ICA1: variants seen among roughly 807,000 people sequenced by gnomAD.
ICA1 encodes 69 kDa islet cell autoantigen.
In ICA1, 40 loss-of-function variants were observed where a neutral mutation model predicts 71.0. The observed-to-expected ratio is 0.56, with a 90% CI of 0.44 to 0.73. The LOEUF (loss-of-function observed/expected upper bound fraction) is 0.73. Among genes scored for constraint, ICA1 ranks in the 30% least tolerant of loss-of-function variants. ICA1 has a pLI of 0.00. For missense variants in ICA1, 578 were observed against 576.5 expected (o/e 1.00, Z -0.03); for synonymous variants, 207 against 209.5 (o/e 0.99, Z 0.10).
intron 12 of ICA1, among the ~76,000 whole-genome samples, chr7:8,135,035 AT>A (rs34913176): frequency 0.89 from 134,436 of 151,302 alleles, 59,771 homozygotes; most frequent in East Asian, 0.95. Flanking sequence ...AATTTTTTTT[AT>A]TTTTTTTTGA....
chr7:8,235,999 T>C lies in ICA1; in HGVS notation c.-73A>G, dbSNP rs1334635095. 5 of 1,457,972 alleles carry C rather than the reference T, an allele frequency of 3.4e-6. No homozygotes were observed. In the Admixed American group the frequency reaches 7.2e-5, roughly 21 times the overall value. 90.3% of individuals were successfully genotyped at this position (1,457,972 alleles called of 1,614,324 possible). A position where few individuals can be genotyped will look rare whatever the true frequency, so the allele number is the denominator to read the frequency against. ...AAAAAGCATGAGAGGATAAGTTATATTATAACCTGAAATAAAACAAATATG... is the reference window on the plus strand; with the variant it reads ...AAAAAGCATGAGAGGATAAGTTATACTATAACCTGAAATAAAACAAATATG... On this transcript the variant is annotated 5_prime_UTR_variant, in exon 2 of 14. Coordinates refer to ENST00000402384, the MANE Select transcript of ICA1 (RefSeq NM_001136020.3).
At chr7:8,212,626 A>C (rs1267872340) in intron 6 of ICA1, among the ~76,000 whole-genome samples, 1 of 152,154 alleles carries the variant, frequency 6.6e-6, no homozygotes, top group African/African-American at 2.4e-5. Flanking sequence ...CTCAGCAATC[A>C]CCTTCAGTGG....
chr7:8,215,644 A>G (rs1429337238), intron 6 of ICA1, among the ~76,000 whole-genome samples: 1 of 152,254 alleles, frequency 6.6e-6, no homozygotes, highest in Non-Finnish European at 1.5e-5. Context: ...AAATAAATGA[A>G]TGAGTGGATA....
At chr7:8,164,037 G>T (rs1182987429) in intron 6 of ICA1, among the ~76,000 whole-genome samples, 1 of 152,160 alleles carries the variant, frequency 6.6e-6, no homozygotes, top group Admixed American at 6.5e-5. Context: ...GCTGGGCTCA[G>T]TGGCTCATGC....
intron 8 of ICA1, among the ~76,000 whole-genome samples, chr7:8,149,092 CTCAGGCAAAATGAA>C (rs1322358270): frequency 6.6e-6 from 1 of 152,164 alleles, no homozygotes; most frequent in East Asian, 1.9e-4. Flanking sequence ...GGAACACCTG[CTCAGGCAAAATGAA>C]TCTAAGAGGC....
chr7:8,252,434 C>A (rs1808497014), intron 1 of ICA1, among the ~76,000 whole-genome samples: 1 of 151,944 alleles, frequency 6.6e-6, no homozygotes, highest in South Asian at 2.1e-4. Flanking sequence ...AGAATTGCAC[C>A]AACTTAAATT....
At chr7:8,141,844 T>C (rs1795332223) in intron 9 of ICA1, 27 bp from the exon 10 acceptor site, 1 of 1,492,450 alleles carries the variant, frequency 6.7e-7, no homozygotes, top group African/African-American at 1.4e-5. Flanking sequence ...GGTTTAGTCA[T>C]CAACTTCTAC....
chr7:8,192,061 T>A (rs1029570416), intron 6 of ICA1, among the ~76,000 whole-genome samples: 4 of 152,314 alleles, frequency 2.6e-5, no homozygotes, highest in Admixed American at 6.5e-5. Context: ...CCTTTATTCT[T>A]AAATAATTCA....
chr7:8,180,441 T>C (rs1475319108), intron 6 of ICA1, among the ~76,000 whole-genome samples: 2 of 152,178 alleles, frequency 1.3e-5, no homozygotes, highest in Non-Finnish European at 2.9e-5. Context: ...CATGGACATT[T>C]GGTTTACTTT....
intron 6 of ICA1, among the ~76,000 whole-genome samples, chr7:8,175,108 G>A (rs886410673): frequency 1.3e-5 from 2 of 152,112 alleles, no homozygotes; most frequent in African/African-American, 4.8e-5. Flanking sequence ...GGGGCTGAGT[G>A]AGAGGTTGAA....
At chr7:8,127,563 C>T (rs193276144) in intron 13 of ICA1, among the ~76,000 whole-genome samples, 205 of 152,262 alleles carry the variant, frequency 1.3e-3, no homozygotes, top group African/African-American at 4.3e-3. Flanking sequence ...GCCAAGTCAA[C>T]GGGGCCTTGA....
At chr7:8,165,725 A>C (rs764324296) in intron 6 of ICA1, among the ~76,000 whole-genome samples, 1 of 152,232 alleles carries the variant, frequency 6.6e-6, no homozygotes, top group African/African-American at 2.4e-5. Flanking sequence ...ATATACACCA[A>C]CAACAACCAA....
At chr7:8,192,839 C>T (rs1034849026) in intron 6 of ICA1, among the ~76,000 whole-genome samples, 4 of 152,156 alleles carry the variant, frequency 2.6e-5, no homozygotes, top group Non-Finnish European at 4.4e-5. Flanking sequence ...TTTATTTTAA[C>T]GCTTAAATGA....
chr7:8,238,039 T>C (rs572595223), intron 1 of ICA1, among the ~76,000 whole-genome samples: 1 of 152,196 alleles, frequency 6.6e-6, no homozygotes, highest in South Asian at 2.1e-4. Flanking sequence ...ATAATATTGA[T>C]AAGAAAAAAA....
chr7:8,164,291 G>A (rs550797109), intron 6 of ICA1, among the ~76,000 whole-genome samples: 22 of 130,942 alleles, frequency 1.7e-4, no homozygotes, highest in African/African-American at 5.9e-4. Context: ...GCGACCGAGC[G>A]AGACTCCGTC....
chr7:8,215,647 AG>A (rs557811364), intron 6 of ICA1, among the ~76,000 whole-genome samples: 16 of 152,386 alleles, frequency 1.0e-4, no homozygotes, highest in African/African-American at 3.6e-4. Flanking sequence ...TAAATGAATG[AG>A]TGGATACTAA....
At chr7:8,158,735 C>G (rs1287553067) in intron 6 of ICA1, 83 bp from the exon 7 acceptor site, 1 of 1,358,526 alleles carries the variant, frequency 7.4e-7, no homozygotes, top group Non-Finnish European at 1.0e-6. Flanking sequence ...CAACAGCAGG[C>G]CTTTTCTCTT....
At chr7:8,172,506 C>T (rs913205288) in intron 6 of ICA1, among the ~76,000 whole-genome samples, 1 of 152,096 alleles carries the variant, frequency 6.6e-6, no homozygotes, top group Non-Finnish European at 1.5e-5. Flanking sequence ...AGAGCTAGAT[C>T]TTGCTTTTGA....
chr7:8,169,599 C>T (rs1339071851), intron 6 of ICA1, among the ~76,000 whole-genome samples: 2 of 152,038 alleles, frequency 1.3e-5, no homozygotes, highest in Non-Finnish European at 2.9e-5. Context: ...TCTCTAATGA[C>T]TAATGATATT....
Sources: gnomAD v4.1 joint callset for allele counts (sites outside exome capture counted in the v4.1 genomes callset) on GRCh38, gnomAD v4.1.1 for gene constraint, MANE v1.5 for transcripts, NCBI Gene and HGNC (gene_info 2026-07-23, HGNC 2026-07-21) for gene names.